The following UBE2D3 variants were observed in gnomAD, a reference collection of about 807,000 sequenced individuals.
UBE2D3 encodes the protein ubiquitin-conjugating enzyme E2 D3.
A neutral mutation model predicts 22.8 loss-of-function variants in UBE2D3; 2 were observed. The ratio of observed to expected loss-of-function variants is 0.09; its 90% CI spans 0.04 to 0.28. UBE2D3 has a LOEUF of 0.28. Ranked by LOEUF, UBE2D3 falls within the 10% of genes least tolerant of loss-of-function variation. The probability of loss-of-function intolerance (pLI) is 1.00; values close to 1 mark genes in which losing one functional copy is unlikely to be tolerated. For missense variants in UBE2D3, 27 were observed against 182.5 expected (o/e 0.15, Z 4.91); for synonymous variants, 56 against 60.4 (o/e 0.93, Z 0.34).
intron 2 of UBE2D3, among the ~76,000 whole-genome samples, chr4:102,815,043 G>C (rs1728599053): frequency 6.6e-6 from 1 of 151,572 alleles, no homozygotes; most frequent in Admixed American, 6.6e-5. Context: ...AATATTTAGC[G>C]TAATTTTCTT....
At chr4:102,815,930 CTATT>C (rs1199706575) in intron 2 of UBE2D3, among the ~76,000 whole-genome samples, 1 of 152,138 alleles carries the variant, frequency 6.6e-6, no homozygotes, top group African/African-American at 2.4e-5. Flanking sequence ...TCTAATATTA[CTATT>C]TAAAGTACCA....
At chr4:102,819,457 G>T (rs761313214) in intron 2 of UBE2D3, 5 of 472,080 alleles carry the variant, frequency 1.1e-5, no homozygotes, top group Non-Finnish European at 1.1e-5. Context: ...TGTTCCAGGA[G>T]CCCAATAAGT....
At chr4:102,828,346 T>A (rs1730896947), upstream of UBE2D3, among the ~76,000 whole-genome samples, 4 of 152,090 alleles carry the variant, frequency 2.6e-5, no homozygotes, top group Admixed American at 2.6e-4. Context: ...CCTGCCCTCC[T>A]GGGCTGGTTA....
chr4:102,818,865 C>G (rs1202929059), intron 2 of UBE2D3, among the ~76,000 whole-genome samples: 1 of 152,008 alleles, frequency 6.6e-6, no homozygotes, highest in Non-Finnish European at 1.5e-5. Context: ...TGGGATTTAA[C>G]AGTTGATTGT....
intron 1 of UBE2D3, chr4:102,827,149 T>C: frequency 1.0e-6 from 1 of 986,712 alleles, no homozygotes; most frequent in Non-Finnish European, 1.2e-6. Context: ...CACCGTACAC[T>C]CACTCCGCCT....
intron 1 of UBE2D3, among the ~76,000 whole-genome samples, chr4:102,857,391 C>T (rs1488188600): frequency 6.6e-6 from 1 of 151,998 alleles, no homozygotes; most frequent in Non-Finnish European, 1.5e-5. Context: ...TTGCTAATAC[C>T]TAAGAAAATT....
intron 1 of UBE2D3, among the ~76,000 whole-genome samples, chr4:102,841,548 T>C (rs1277045336): frequency 6.6e-6 from 1 of 152,202 alleles, no homozygotes; most frequent in Non-Finnish European, 1.5e-5. Context: ...TTTCTACTTA[T>C]TTAGGCCTTC....
At chr4:102,809,995 A>G in intron 2 of UBE2D3, 140 bp from the exon 3 acceptor site, 1 of 804,604 alleles carries the variant, frequency 1.2e-6, no homozygotes, top group Non-Finnish European at 2.0e-6. Context: ...ATATTCCATT[A>G]GGAGAGAGAA....
intron 1 of UBE2D3, among the ~76,000 whole-genome samples, chr4:102,868,164 C>A (rs1733255759): frequency 6.6e-6 from 1 of 151,482 alleles, no homozygotes; most frequent in Non-Finnish European, 1.5e-5. Flanking sequence ...CCTCCGCCTC[C>A]CTGGTTCAAG....
intron 7 of UBE2D3, chr4:102,798,941 G>A (rs746751190): frequency 1.9e-5 from 30 of 1,611,656 alleles, no homozygotes; most frequent in South Asian, 1.3e-4. Flanking sequence ...ACAACATAGC[G>A]TATTTCTCTG....
At chr4:102,812,633 T>A (rs1420170009) in intron 2 of UBE2D3, 1 of 152,216 alleles carries the variant, frequency 6.6e-6, no homozygotes, top group African/African-American at 2.4e-5. Flanking sequence ...TACACAAGCC[T>A]GTAACTGTGC....
At chr4:102,868,198 G>A (rs888122657) in intron 1 of UBE2D3, among the ~76,000 whole-genome samples, 2 of 148,644 alleles carry the variant, frequency 1.3e-5, no homozygotes, top group African/African-American at 2.5e-5. Flanking sequence ...TCAGTCTCCC[G>A]AGTAGCTGGG....
rs1460273882 is a variant in UBE2D3, at chr4:102,796,442, C to A, written c.*973G>T. ...ACCTGTAACAGACTGTGCACTTTAACTGAACATGGCAAAATATTCACTCTT... is the reference window on the plus strand; with the variant it reads ...ACCTGTAACAGACTGTGCACTTTAAATGAACATGGCAAAATATTCACTCTT... On this transcript the variant is annotated 3_prime_UTR_variant, in exon 8 of 8. Transcript: ENST00000453744. The A allele has an allele frequency of 2.6e-5, 4 of 152,430 alleles. No homozygotes were observed. The highest frequency in any genetic ancestry group is 9.7e-5 in the African/African-American group (4 of 41,418). 9.4% of individuals were successfully genotyped at this position (152,430 alleles called of 1,614,324 possible).
intron 1 of UBE2D3, among the ~76,000 whole-genome samples, chr4:102,838,480 C>T (rs1006610012): frequency 1.1e-4 from 17 of 152,194 alleles, no homozygotes; most frequent in Non-Finnish European, 4.4e-5. Flanking sequence ...ACTTTACCAG[C>T]ACACTTGTGA....
chr4:102,834,036 AATCTGTAC>A (rs1731255017), intron 1 of UBE2D3, among the ~76,000 whole-genome samples: 1 of 152,162 alleles, frequency 6.6e-6, no homozygotes, highest in Non-Finnish European at 1.5e-5. Flanking sequence ...GTGGTTAAGA[AATCTGTAC>A]ATTCAGACTT....
intron 1 of UBE2D3, among the ~76,000 whole-genome samples, chr4:102,863,036 CTT>C (rs1416637030): frequency 1.3e-5 from 2 of 151,418 alleles, no homozygotes; most frequent in East Asian, 3.9e-4. Context: ...GCCCAGGCTT[CTT>C]TGTTTTTCTT....
rs148686682 is a variant in UBE2D3 at position 102,833,242 on chromosome 4, C to G, written c.-128-6606G>C. On this transcript the variant is annotated intron_variant, in intron 1 of 7. Transcript: ENST00000338145. ...TTAAATTTGGCCATGTCTGTACTAA[C>G]TGCTGTGATCCATGTCTCAGTTCTC... Among the ~76,000 whole-genome samples, 529 of 151,832 alleles carry G rather than the reference C, an allele frequency of 3.5e-3. 1 individual carries two copies. The highest frequency in any genetic ancestry group is 5.8e-3 in the Non-Finnish European group (394 of 67,978).
intron 1 of UBE2D3, among the ~76,000 whole-genome samples, chr4:102,839,346 A>T (rs1307378865): frequency 6.6e-6 from 1 of 152,136 alleles, no homozygotes; most frequent in African/African-American, 2.4e-5. Flanking sequence ...GGCTCACTAC[A>T]GCCTCAACCT....
intron 2 of UBE2D3, chr4:102,819,661 G>T (rs888285042): frequency 1.1e-6 from 1 of 918,068 alleles, no homozygotes; most frequent in East Asian, 1.2e-4. Context: ...TAGTGGCAAG[G>T]CCAAGTTCAT....
Sources: gnomAD v4.1 joint callset for allele counts (sites outside exome capture counted in the v4.1 genomes callset) on GRCh38, gnomAD v4.1.1 for gene constraint, MANE v1.5 for transcripts, NCBI Gene and HGNC (gene_info 2026-07-23, HGNC 2026-07-21) for gene names.